The following AGO4 variants were observed in gnomAD, a reference collection of about 807,000 sequenced individuals.
AGO4 encodes protein argonaute-4.
Under a neutral mutation model 104.7 loss-of-function variants are expected in AGO4, and 33 were observed. The observed-to-expected ratio is 0.32, with a 90% CI of 0.24 to 0.42. The LOEUF is 0.42. Among genes scored for constraint, AGO4 ranks in the 10% least tolerant of loss-of-function variants. The pLI, the probability that AGO4 is intolerant of heterozygous loss-of-function variation, is 1.00. For missense variants in AGO4, 711 were observed against 1,083.4 expected (o/e 0.66, Z 4.83); for synonymous variants, 331 against 364.7 (o/e 0.91, Z 1.05).
intron 1 of AGO4, among the ~76,000 whole-genome samples, chr1:35,813,761 AAAGAAGAAG>A (rs372415425): frequency 6.7e-6 from 1 of 149,916 alleles, no homozygotes; most frequent in East Asian, 2.0e-4. Context: ...AAAAAGAAAA[AAAGAAGAAG>A]AAGAAGAAGA....
rs5773512 is a variant in AGO4 at position 35,841,811 on chromosome 1, C to CATATATATATATAT, written c.2175+75_2175+88dup. 965 of 606,280 alleles carry CATATATATATATAT rather than the reference C, an allele frequency of 1.6e-3. 10 individuals are homozygous for CATATATATATATAT. Among genetic ancestry groups the CATATATATATATAT allele is most frequent in the African/African-American group, 4.3e-3 (215 of 49,648 alleles). 37.6% of individuals were successfully genotyped at this position (606,280 alleles called of 1,614,324 possible). On this transcript the variant is annotated intron_variant, in intron 15 of 17. Coordinates refer to ENST00000373210, the MANE Select transcript of AGO4 (RefSeq NM_017629.4). The surrounding 1 kb of genome is among the most constrained non-coding windows in gnomAD (Gnocchi z 4.7). ...CTCTGGCAAGAGATGTATATATGCACATATATATATATATATATATATATA... is the reference window on the plus strand; with the variant it reads ...CTCTGGCAAGAGATGTATATATGCACATATATATATATATATATATATATATATATATATATATA...
In AGO4 at chr1:35,853,703, G is replaced by T; in HGVS notation, c.*98G>T. 1 of 964,320 alleles carries T rather than the reference G, an allele frequency of 1.0e-6. No homozygotes were observed. Among genetic ancestry groups the T allele is most frequent in the South Asian group, 1.5e-5 (1 of 66,532 alleles). 59.7% of individuals were successfully genotyped at this position (964,320 alleles called of 1,614,324 possible). ...CTAGATCGAGCCACGTTGACTTCAG[G>T]TGGTCTTCTACCAGCAGCTCGGAAT... On this transcript the variant is annotated 3_prime_UTR_variant, in exon 18 of 18. Transcript: ENST00000373210.
At chr1:35,851,290 T>C in intron 17 of AGO4, 1 of 532,256 alleles carries the variant, frequency 1.9e-6, no homozygotes, top group Non-Finnish European at 3.4e-6. Flanking sequence ...CTGCTTGTGG[T>C]TCTCCCATGG....
chr1:35,841,536 C>T lies in AGO4; in HGVS notation c.2040+56C>T, dbSNP rs1364364808. On this transcript the variant is annotated intron_variant, in intron 14 of 17. Transcript: ENST00000373210. This position sits in a 1 kb window ranked among gnomAD's most constrained non-coding sequence, Gnocchi z 4.7. The stretch of plus-strand genomic sequence containing the variant: ...GCCCCTAGGAGTCTGAGGGAGATTC[C>T]TCTCATCTACCATTCTGGGTAGATC... 6.2e-6 allele frequency: 10 copies of T among 1,608,514 alleles called. No individual in the cohort carries two copies. The East Asian group carries it at 2.0e-4, about 32-fold the overall frequency.
At chr1:35,831,674 A>G in intron 8 of AGO4, 100 bp downstream of exon 8, 3 of 1,535,812 alleles carry the variant, frequency 2.0e-6, no homozygotes, top group Non-Finnish European at 2.6e-6. Context: ...GTTAATTTCT[A>G]AAATATTTTT....
In AGO4 at chr1:35,832,114, G is replaced by T. The variant is rs771657007; in HGVS notation, c.1174G>T (p.Val392Phe). ...PDPYLKEFGIVVHNEMTELTG... is the reference protein window; with the variant it reads ...PDPYLKEFGIFVHNEMTELTG... ...TCCATACCTTAAAGAATTTGGTATT[G>T]TTGTCCACAATGAAATGACAGAGCT... The change falls in exon 10 of 18, where the codon GTT becomes TTT. Residue 392 changes from valine (V) to phenylalanine (F), a missense_variant. By Grantham distance (50) the Val-to-Phe change is conservative. Coordinates refer to ENST00000373210, the MANE Select transcript of AGO4 (RefSeq NM_017629.4). The T allele has an allele frequency of 5.0e-6, 8 of 1,614,042 alleles. No individual in the cohort carries two copies. In the East Asian group the frequency reaches 1.6e-4, roughly 31 times the overall value.
At chr1:35,810,725 C>A (rs1284423056) in intron 1 of AGO4, among the ~76,000 whole-genome samples, 1 of 152,108 alleles carries the variant, frequency 6.6e-6, no homozygotes, top group African/African-American at 2.4e-5. Flanking sequence ...GGTCATTTGA[C>A]TTCTAATCTA....
At chr1:35,851,447 G>A (rs1453419890) in intron 17 of AGO4, among the ~76,000 whole-genome samples, 1 of 152,304 alleles carries the variant, frequency 6.6e-6, no homozygotes, top group South Asian at 2.1e-4. Flanking sequence ...TTTGCTTTTG[G>A]TACATTCTGG....
At chr1:35,850,304 T>G in intron 16 of AGO4, 46 bp downstream of exon 16, 1 of 1,458,168 alleles carries the variant, frequency 6.9e-7, no homozygotes, top group Non-Finnish European at 9.6e-7. Flanking sequence ...AGGGAGATGT[T>G]TGCAAATTCA....
chr1:35,813,312 G>A (rs1211604147), intron 1 of AGO4, among the ~76,000 whole-genome samples: 2 of 152,022 alleles, frequency 1.3e-5, no homozygotes, highest in South Asian at 2.1e-4. Flanking sequence ...GGGAGGCTGA[G>A]GCAGGAGAAT....
intron 15 of AGO4, among the ~76,000 whole-genome samples, chr1:35,842,252 C>A (rs1644463895): frequency 6.6e-6 from 1 of 152,104 alleles, no homozygotes; most frequent in African/African-American, 2.4e-5. Flanking sequence ...TCATTACCAC[C>A]TGAGCTCTGC....
rs781532394 is a variant in AGO4, at chr1:35,834,167, A to T, written c.1557A>T (p.Pro519=). The T allele has an allele frequency of 2.5e-6, 4 of 1,596,474 alleles. No individual in the cohort carries two copies. Among genetic ancestry groups the T allele is most frequent in the African/African-American group, 2.7e-5 (2 of 74,078 alleles). The change falls in exon 12 of 18, where the codon CCA becomes CCT. Residue 519 remains proline (P), a synonymous_variant. Coordinates refer to ENST00000373210, the MANE Select transcript of AGO4 (RefSeq NM_017629.4). The part of the protein sequence containing the change: ...LIVVILPGKT[P]VYAEVKRVGD... ...TGGTTATCCTGCCTGGAAAGACACCAGTATATGGTATGGACCCTTTTAATG... is the reference window on the plus strand; with the variant it reads ...TGGTTATCCTGCCTGGAAAGACACCTGTATATGGTATGGACCCTTTTAATG...
Position 35,808,534 on chromosome 1 carries a change from GC to G in AGO4, c.19+101del. On this transcript the variant is annotated intron_variant, in intron 1 of 17. Coordinates refer to ENST00000373210, the MANE Select transcript of AGO4 (RefSeq NM_017629.4). This position sits in a 1 kb window ranked among gnomAD's most constrained non-coding sequence, Gnocchi z 5.2. The stretch of plus-strand genomic sequence containing the variant: ...CCCGTCGCCTCGCCGGGTTCGGGCC[GC>G]CAGGCCTCGGGGAAGGGGACCCGAG... 1 of 1,073,042 alleles carries G rather than the reference GC, an allele frequency of 9.3e-7. No individual in the cohort carries two copies. Among genetic ancestry groups the G allele is most frequent in the East Asian group, 4.2e-5 (1 of 24,040 alleles). 66.5% of individuals were successfully genotyped at this position (1,073,042 alleles called of 1,614,324 possible).
intron 1 of AGO4, 60 bp from the exon 2 acceptor site, chr1:35,816,817 AAAAAG>A: frequency 8.5e-6 from 12 of 1,410,112 alleles, no homozygotes; most frequent in African/African-American, 1.6e-5. Flanking sequence ...AAAAAAAAAA[AAAAAG>A]AAAGAAAGAA....
chr1:35,815,507 G>T (rs1198384049), intron 1 of AGO4, among the ~76,000 whole-genome samples: 1 of 151,870 alleles, frequency 6.6e-6, no homozygotes, highest in East Asian at 1.9e-4. Flanking sequence ...AAATGATGAG[G>T]TAAAGTTAAC....
At chr1:35,823,977 T>C (rs1011307451) in intron 3 of AGO4, among the ~76,000 whole-genome samples, 2 of 152,164 alleles carry the variant, frequency 1.3e-5, no homozygotes, top group African/African-American at 4.8e-5. Flanking sequence ...AGCATTAGGA[T>C]TGAGGTTGAT....
rs763394874 is a variant in AGO4 at position 35,825,711 on chromosome 1, C to T, written c.521C>T (p.Pro174Leu). Residue 174 changes from proline to leucine, a missense_variant, in exon 5 of 18, where the codon CCC (proline) becomes CTC (leucine). Physicochemically the swap from Pro to Leu is moderately conservative, Grantham distance 98. Around this residue, in one of 3 missense-constraint regions of AGO4, gnomAD observed 308 missense variants for 397.8 expected, o/e 0.77. Transcript: ENST00000373210. ...CCAGTGGGCCGTTCCTTTTTCTCAC[C>T]CCCGGAAGGTTACTACCACCCTCTG... ...YTPVGRSFFS[P>L]PEGYYHPLGG... The T allele has an allele frequency of 6.3e-7, 1 of 1,576,326 alleles. No homozygotes were observed. The highest frequency in any genetic ancestry group is 1.4e-5 in the African/African-American group (1 of 73,006).
chr1:35,854,638 C>G lies in AGO4; in HGVS notation c.*1033C>G, dbSNP rs1031518674. The G allele has an allele frequency of 2.0e-5, 3 of 152,574 alleles. No homozygotes were observed. Among genetic ancestry groups the G allele is most frequent in the Non-Finnish European group, 4.4e-5 (3 of 68,022 alleles). 9.5% of individuals were successfully genotyped at this position (152,574 alleles called of 1,614,324 possible). A position where few individuals can be genotyped will look rare whatever the true frequency, so the allele number is the denominator to read the frequency against. On this transcript the variant is annotated 3_prime_UTR_variant, in exon 18 of 18. Transcript: ENST00000373210. Reference sequence around the variant, plus strand: ...TCAGAAAAGACATATATTTCCATGCCTTTTTAAAGAATTATTTTTACCTGT... The same window carrying G: ...TCAGAAAAGACATATATTTCCATGCGTTTTTAAAGAATTATTTTTACCTGT...
chr1:35,837,675 T>A (rs1644347531), intron 13 of AGO4, among the ~76,000 whole-genome samples: 1 of 151,940 alleles, frequency 6.6e-6, no homozygotes, highest in Non-Finnish European at 1.5e-5. Flanking sequence ...CCACCATGCC[T>A]AGCCTAAACA....
Sources: gnomAD v4.1 joint callset for allele counts (sites outside exome capture counted in the v4.1 genomes callset) on GRCh38, gnomAD v4.1.1 for gene constraint, gnomAD v4.1.1 regional missense constraint, Gnocchi (gnomAD v3.1) non-coding constraint, MANE v1.5 for transcripts, NCBI Gene and HGNC (gene_info 2026-07-23, HGNC 2026-07-21) for gene names.